Variants in MOSMO observed in about 807,000 individuals in gnomAD.
The protein encoded by MOSMO is modulator of smoothened, also known as modulator of smoothened protein.
MOSMO carries 5 observed loss-of-function variants against 18.4 expected under a neutral mutation model. The observed-to-expected ratio is 0.27, with a 90% confidence interval of 0.14 to 0.57. The LOEUF (loss-of-function observed/expected upper bound fraction) is 0.57. Ranked by LOEUF, MOSMO falls within the 20% of genes least tolerant of loss-of-function variation. The pLI is 0.92. For missense variants in MOSMO, 138 were observed against 211.8 expected, an observed-to-expected ratio of 0.65 and a Z score of 2.16; for synonymous variants, 82 against 82.3, an observed-to-expected ratio of 1.00 and a Z score of 0.02.
intron 1 of MOSMO, among the ~76,000 whole-genome samples, chr16:22,020,073 CGTG>C (rs1899724146): frequency 1.3e-5 from 2 of 150,954 alleles, no homozygotes; most frequent in Non-Finnish European, 3.0e-5. Flanking sequence ...ATTAGCCAGG[CGTG>C]GTGGCACATG....
intron 1 of MOSMO, among the ~76,000 whole-genome samples, chr16:22,021,754 G>A (rs1170559685): frequency 6.6e-6 from 1 of 151,680 alleles, no homozygotes; most frequent in Non-Finnish European, 1.5e-5. Flanking sequence ...GCCGAGACTG[G>A]ACCACTGCAC....
chr16:22,083,854 T>C lies in MOSMO; in HGVS notation c.*2974T>C. 1 of 355,150 alleles carries C rather than the reference T, an allele frequency of 2.8e-6. No homozygotes were observed. Among genetic ancestry groups the C allele is most frequent in the South Asian group, 2.2e-5 (1 of 45,182 alleles). The allele number at this position is 355,150 out of a possible 1,614,324, so 22.0% of individuals were successfully genotyped here. On this transcript the variant is annotated 3_prime_UTR_variant, in exon 3 of 3. Coordinates refer to ENST00000542527, the MANE Select transcript of MOSMO (RefSeq NM_001164579.2). ...TTTATTAAAAGCAAACATTTCAGTA[T>C]GATTCTTTCCAAAGGTAATCCATGT...
downstream of MOSMO, among the ~76,000 whole-genome samples, chr16:22,091,189 T>A (rs539075948): frequency 1.3e-5 from 2 of 152,268 alleles, no homozygotes; most frequent in Non-Finnish European, 2.9e-5. Context: ...TCTTCCTCAT[T>A]TTCTGCCTTA....
intron 1 of MOSMO, among the ~76,000 whole-genome samples, chr16:22,012,629 C>G (rs990689911): frequency 6.6e-6 from 1 of 151,558 alleles, no homozygotes; most frequent in South Asian, 2.1e-4. Context: ...ATATATGTCC[C>G]TCTTGGCTTT....
chr16:22,074,029 T>G (rs1359304516), intron 1 of MOSMO, among the ~76,000 whole-genome samples: 1 of 152,202 alleles, frequency 6.6e-6, no homozygotes, highest in African/African-American at 2.4e-5. Flanking sequence ...TTCAACAAGT[T>G]GCTTTATTTC....
intron 1 of MOSMO, among the ~76,000 whole-genome samples, chr16:22,036,282 A>G (rs1003325395): frequency 6.6e-5 from 10 of 151,974 alleles, no homozygotes; most frequent in Admixed American, 6.6e-4. Flanking sequence ...GCACACCACC[A>G]TGCCTGGCTA....
At position 22,082,406 on chromosome 16, in the gene MOSMO, A is replaced by G. The variant is rs997650981; in HGVS notation, c.*1526A>G. 3 of 152,170 alleles carry G rather than the reference A, an allele frequency of 2.0e-5. No homozygotes were observed. Among genetic ancestry groups the G allele is most frequent in the African/African-American group, 4.8e-5 (2 of 41,436 alleles). The allele number at this position is 152,170 out of a possible 1,614,324, so 9.4% of individuals were successfully genotyped here. A position where few individuals can be genotyped will look rare whatever the true frequency, so the allele number is the denominator to read the frequency against. The stretch of plus-strand genomic sequence containing the variant: ...TCAATGCTTGTTTTTCCTGGTGAAC[A>G]CTATAGATAATCTCCTGTTTGAAAT... On this transcript the variant is annotated 3_prime_UTR_variant, in exon 3 of 3. Coordinates refer to ENST00000542527, the MANE Select transcript of MOSMO (RefSeq NM_001164579.2).
chr16:22,028,748 A>T (rs1186059007), intron 1 of MOSMO, among the ~76,000 whole-genome samples: 2 of 152,142 alleles, frequency 1.3e-5, no homozygotes, highest in Non-Finnish European at 2.9e-5. Flanking sequence ...TCCAAAGGTG[A>T]TGTAAATTAC....
chr16:22,032,717 T>G (rs1393192003), intron 1 of MOSMO, among the ~76,000 whole-genome samples: 2 of 152,058 alleles, frequency 1.3e-5, no homozygotes, highest in Admixed American at 1.3e-4. Flanking sequence ...CATCTAACTT[T>G]TTAATTTTTT....
chr16:22,059,839 T>C (rs1194622926), intron 1 of MOSMO, among the ~76,000 whole-genome samples: 1 of 151,780 alleles, frequency 6.6e-6, no homozygotes, highest in Non-Finnish European at 1.5e-5. Context: ...ATCAATGGGG[T>C]TTTCCCCCTT....
intron 1 of MOSMO, among the ~76,000 whole-genome samples, chr16:22,054,899 T>A (rs1900501638): frequency 6.6e-6 from 1 of 152,192 alleles, no homozygotes; most frequent in African/African-American, 2.4e-5. Flanking sequence ...TAAAATTATT[T>A]AAACATGTCA....
At chr16:22,046,633 G>A (rs1900314466) in intron 1 of MOSMO, among the ~76,000 whole-genome samples, 2 of 152,076 alleles carry the variant, frequency 1.3e-5, no homozygotes, top group Admixed American at 1.3e-4. Context: ...CGGCACTTGA[G>A]CACTATAATT....
chr16:22,024,369 CTT>C (rs34009075), intron 1 of MOSMO, among the ~76,000 whole-genome samples: 4 of 144,922 alleles, frequency 2.8e-5, no homozygotes, highest in Non-Finnish European at 4.6e-5. Flanking sequence ...TCTTTGAAAA[CTT>C]TTTTTTTTTT....
In MOSMO at chr16:22,083,483, T is replaced by G. The variant is rs1469832335; in HGVS notation, c.*2603T>G. On this transcript the variant is annotated 3_prime_UTR_variant, in exon 3 of 3. Transcript: ENST00000542527. ...AGACATTGAAATGGATTCATTCATA[T>G]AGATTTCTATAAATCCTATAAGTGA... The G allele has an allele frequency of 6.5e-6, 2 of 307,724 alleles. No individual in the cohort carries two copies. The highest frequency in any genetic ancestry group is 1.2e-5 in the Non-Finnish European group (2 of 163,664). 19.1% of individuals were successfully genotyped at this position (307,724 alleles called of 1,614,324 possible). A position where few individuals can be genotyped will look rare whatever the true frequency, so the allele number is the denominator to read the frequency against.
intron 1 of MOSMO, among the ~76,000 whole-genome samples, chr16:22,061,530 G>A (rs1900645020): frequency 3.9e-5 from 6 of 152,158 alleles, no homozygotes; most frequent in Admixed American, 3.9e-4. Context: ...ATGTGTGTCT[G>A]GCTGTGTGTA....
intron 1 of MOSMO, among the ~76,000 whole-genome samples, chr16:22,052,484 C>A (rs916151474): frequency 6.6e-6 from 1 of 152,114 alleles, no homozygotes; most frequent in Non-Finnish European, 1.5e-5. Flanking sequence ...TGTGTATGAA[C>A]CTTATAACCT....
chr16:22,064,827 C>T (rs911733102), intron 1 of MOSMO, among the ~76,000 whole-genome samples: 6 of 152,164 alleles, frequency 3.9e-5, no homozygotes, highest in African/African-American at 1.2e-4. Context: ...CCTCTCCCCA[C>T]GTCACCTCCA....
At chr16:22,018,737 T>C (rs949779770) in intron 1 of MOSMO, among the ~76,000 whole-genome samples, 2 of 152,152 alleles carry the variant, frequency 1.3e-5, no homozygotes, top group Admixed American at 1.3e-4. Flanking sequence ...CTTGTGAGTA[T>C]GTACCAACAT....
At chr16:22,011,153 C>G (rs924246144) in intron 1 of MOSMO, among the ~76,000 whole-genome samples, 2 of 152,126 alleles carry the variant, frequency 1.3e-5, no homozygotes, top group Non-Finnish European at 2.9e-5. Flanking sequence ...ACTGATGCGT[C>G]GTGGAAGTTG....
Sources: allele counts gnomAD v4.1 joint callset (sites outside exome capture counted in the v4.1 genomes callset), GRCh38; gene constraint gnomAD v4.1.1; transcripts MANE v1.5; gene names NCBI Gene and HGNC (gene_info 2026-07-23, HGNC 2026-07-21).